The following TACR1 variants were observed in gnomAD, a reference collection of about 807,000 sequenced individuals.
The protein encoded by TACR1 is tachykinin receptor 1.
Under a neutral mutation model 35.8 loss-of-function variants are expected in TACR1, and 25 were observed. The observed-to-expected ratio is 0.70, with a 90% CI of 0.51 to 0.98. The LOEUF (loss-of-function observed/expected upper bound fraction) is 0.98. TACR1 is among the 50% of genes least tolerant of loss of function. TACR1 has a pLI of 0.00. For synonymous variants in TACR1, 195 were observed against 206.7 expected (o/e 0.94, Z 0.48); for missense variants, 478 against 522.9 (o/e 0.91, Z 0.84).
rs200083063 is a variant in TACR1 at position 75,198,678 on chromosome 2, G to A, written c.257C>T (p.Thr86Ile). ...FAEASMAAFN[T>I]VVNFTYAVHN... The stretch of plus-strand genomic sequence containing the variant: ...GACAGCATAGGTGAAGTTCACCACT[G>A]TATTGAATGCAGCCATGGAGGCCTC... Residue 86 changes from threonine to isoleucine, a missense_variant, in exon 1 of 5, where the codon ACA becomes ATA. Coordinates refer to ENST00000305249, the MANE Select transcript of TACR1 (RefSeq NM_001058.4). 7 of 1,614,094 alleles carry A rather than the reference G, an allele frequency of 4.3e-6. No individual in the cohort carries two copies. The highest frequency in any genetic ancestry group is 4.0e-5 in the African/African-American group (3 of 74,930).
At chr2:75,120,233 A>G (rs1293348603) in intron 2 of TACR1, among the ~76,000 whole-genome samples, 1 of 152,166 alleles carries the variant, frequency 6.6e-6, no homozygotes, top group Non-Finnish European at 1.5e-5. Flanking sequence ...GAAGAGCGGC[A>G]TTCTGTAGCT....
chr2:75,132,324 G>T (rs1251156767), intron 1 of TACR1, among the ~76,000 whole-genome samples: 2 of 152,060 alleles, frequency 1.3e-5, no homozygotes, highest in Non-Finnish European at 2.9e-5. Context: ...CCTCTGTGCT[G>T]CATTCTGGTT....
chr2:75,177,091 G>A (rs1045215482), intron 1 of TACR1, among the ~76,000 whole-genome samples: 7 of 152,016 alleles, frequency 4.6e-5, no homozygotes, highest in East Asian at 1.9e-4. Flanking sequence ...CCACAGAGCC[G>A]GCACCAGGAG....
At chr2:75,099,116 C>G (rs1367299843) in intron 2 of TACR1, among the ~76,000 whole-genome samples, 2 of 152,144 alleles carry the variant, frequency 1.3e-5, no homozygotes, top group Middle Eastern at 3.4e-3. Flanking sequence ...GTCACTCTTC[C>G]CTGATCACTG....
chr2:75,186,592 C>A (rs1004012574), intron 1 of TACR1, among the ~76,000 whole-genome samples: 5 of 150,554 alleles, frequency 3.3e-5, no homozygotes, highest in African/African-American at 1.2e-4. Flanking sequence ...AAAATGTGAT[C>A]AGAAAAACAT....
At chr2:75,079,908 C>T (rs968326937) in intron 2 of TACR1, among the ~76,000 whole-genome samples, 1 of 152,098 alleles carries the variant, frequency 6.6e-6, no homozygotes, top group African/African-American at 2.4e-5. Flanking sequence ...GGTGGAGAAA[C>T]CACCATACTG....
chr2:75,059,095 C>T (rs778663367), intron 2 of TACR1, among the ~76,000 whole-genome samples: 7 of 152,108 alleles, frequency 4.6e-5, no homozygotes, highest in African/African-American at 1.4e-4. Flanking sequence ...GATATTGTTT[C>T]GGGGTGGGTG....
intron 1 of TACR1, among the ~76,000 whole-genome samples, chr2:75,153,918 T>A (rs1674735089): frequency 6.6e-6 from 1 of 152,226 alleles, no homozygotes; most frequent in South Asian, 2.1e-4. Context: ...GAATCACTGA[T>A]GGTGGGCAGC....
rs1280382299 is a variant in TACR1, at chr2:75,090,255, TA to T, written c.584+30318del. 3.9e-5 allele frequency among the ~76,000 whole-genome samples: 6 copies of T among 152,276 alleles called. No homozygotes were observed. In the East Asian group the frequency reaches 1.2e-3, roughly 29 times the overall value. On this transcript the variant is annotated intron_variant, in intron 2 of 4. Coordinates refer to ENST00000305249, the MANE Select transcript of TACR1 (RefSeq NM_001058.4). ...TATAATTTACTTTGTAAACCAAAAA[TA>T]AAATTCTAAGGCCCCCCAACCATCT...
chr2:75,133,828 A>G (rs1674225791), intron 1 of TACR1, among the ~76,000 whole-genome samples: 1 of 152,184 alleles, frequency 6.6e-6, no homozygotes, highest in South Asian at 2.1e-4. Flanking sequence ...TAGGCATTCT[A>G]AATCACAGGG....
intron 1 of TACR1, among the ~76,000 whole-genome samples, chr2:75,150,670 A>C (rs1312720336): frequency 6.6e-6 from 1 of 152,216 alleles, no homozygotes; most frequent in Non-Finnish European, 1.5e-5. Flanking sequence ...AAACAAATAC[A>C]ATAAACTGGT....
At chr2:75,122,094 C>T (rs987452871) in intron 1 of TACR1, among the ~76,000 whole-genome samples, 4 of 152,196 alleles carry the variant, frequency 2.6e-5, no homozygotes, top group Admixed American at 2.0e-4. Context: ...CTTGTAATTT[C>T]TCCAGGGAGA....
At chr2:75,154,692 G>C (rs1051434108) in intron 1 of TACR1, 5 of 152,674 alleles carry the variant, frequency 3.3e-5, no homozygotes, top group Middle Eastern at 6.7e-3. Context: ...ATGTTGCCTG[G>C]ACTGTGGCTG....
intron 2 of TACR1, among the ~76,000 whole-genome samples, chr2:75,068,046 T>C (rs1032844842): frequency 6.6e-6 from 1 of 152,160 alleles, no homozygotes; most frequent in African/African-American, 2.4e-5. Flanking sequence ...GAAGGGTGTA[T>C]CAGTCAGGGT....
Position 75,198,832 on chromosome 2 carries a change from A to G in TACR1, c.103T>C (p.Trp35Arg). The G allele has an allele frequency of 2.5e-6, 4 of 1,614,116 alleles. No individual in the cohort carries two copies. Among genetic ancestry groups the G allele is most frequent in the Non-Finnish European group, 3.4e-6 (4 of 1,180,018 alleles). The part of the protein sequence containing the change: ...FVQPAWQIVL[W>R]AAAYTVIVVT... ...ACAATGACCGTGTAGGCAGCTGCCC[A>G]AAGGACAATTTGCCAGGCTGGTTGC... is the stretch of plus-strand genomic sequence containing the variant. Residue 35 changes from tryptophan to arginine, a missense_variant, in exon 1 of 5, where the codon TGG becomes CGG. Coordinates refer to ENST00000305249, the MANE Select transcript of TACR1 (RefSeq NM_001058.4).
chr2:75,198,647 G>A lies in TACR1; in HGVS notation c.288C>T (p.Asn96=), dbSNP rs1466737731. The part of the protein sequence containing the change: ...TVVNFTYAVH[N]EWYYGLFYCK... The stretch of plus-strand genomic sequence containing the variant: ...AGTAGAACAGGCCGTAGTACCATTC[G>A]TTGTGGACAGCATAGGTGAAGTTCA... Residue 96 remains asparagine (N), a synonymous_variant, in exon 1 of 5, where the codon AAC becomes AAT. Coordinates refer to ENST00000305249, the MANE Select transcript of TACR1 (RefSeq NM_001058.4). 2 of 1,614,226 alleles carry A rather than the reference G, an allele frequency of 1.2e-6. No homozygotes were observed. The highest frequency in any genetic ancestry group is 1.1e-5 in the South Asian group (1 of 91,082).
At chr2:75,104,934 A>G (rs1216155835) in intron 2 of TACR1, among the ~76,000 whole-genome samples, 2 of 152,008 alleles carry the variant, frequency 1.3e-5, no homozygotes, top group African/African-American at 2.4e-5. Context: ...TGCATGGTTG[A>G]TGGGAATGTA....
At chr2:75,120,440 A>T in intron 2 of TACR1, 134 bp downstream of exon 2, 1 of 742,578 alleles carries the variant, frequency 1.3e-6, no homozygotes, top group Non-Finnish European at 2.1e-6. Context: ...ATGAGGGTAT[A>T]TGTGAGAAAT....
intron 2 of TACR1, among the ~76,000 whole-genome samples, chr2:75,066,195 C>T (rs991111002): frequency 2.0e-5 from 3 of 152,126 alleles, no homozygotes; most frequent in African/African-American, 4.8e-5. Context: ...CATCTCATTA[C>T]CTCTGGGACT....
Sources: gnomAD v4.1 joint callset for allele counts (sites outside exome capture counted in the v4.1 genomes callset) on GRCh38, gnomAD v4.1.1 for gene constraint, MANE v1.5 for transcripts, NCBI Gene and HGNC (gene_info 2026-07-23, HGNC 2026-07-21) for gene names.